Variants in TRIM2 observed in about 807,000 individuals in gnomAD.
The protein encoded by TRIM2 is tripartite motif-containing protein 2.
A neutral mutation model predicts 75.2 loss-of-function variants in TRIM2; 20 were observed. The observed-to-expected ratio is 0.27, with a 90% confidence interval of 0.19 to 0.39. TRIM2 has a LOEUF of 0.39. TRIM2 is among the 10% of genes least tolerant of loss of function. TRIM2 has a pLI of 1.00. For missense variants in TRIM2, 660 were observed against 990.8 expected (o/e 0.67, Z 4.48); for synonymous variants, 373 against 388.3 (o/e 0.96, Z 0.46).
chr4:153,332,202 G>A (rs1771623003), intron 11 of TRIM2, among the ~76,000 whole-genome samples: 2 of 152,266 alleles, frequency 1.3e-5, no homozygotes, highest in Middle Eastern at 3.4e-3. Flanking sequence ...TTTGCTCTGT[G>A]AAAGATCTCT....
At chr4:153,155,574 G>A (rs1364098448) in intron 1 of TRIM2, among the ~76,000 whole-genome samples, 1 of 152,168 alleles carries the variant, frequency 6.6e-6, no homozygotes, top group Non-Finnish European at 1.5e-5. Context: ...GAGAAAACCA[G>A]ATTTTGATTG....
intron 1 of TRIM2, among the ~76,000 whole-genome samples, chr4:153,253,838 A>G (rs767581604): frequency 2.0e-4 from 31 of 152,356 alleles, no homozygotes; most frequent in Non-Finnish European, 4.0e-4. Flanking sequence ...AGGCATGAAT[A>G]ATCCACCCCT....
intron 11 of TRIM2, among the ~76,000 whole-genome samples, chr4:153,331,011 T>C (rs986800544): frequency 3.9e-5 from 6 of 152,168 alleles, no homozygotes; most frequent in African/African-American, 1.4e-4. Flanking sequence ...GATTGCAGAA[T>C]ATAAGATCAA....
chr4:153,308,504 G>A (rs1387112562), intron 6 of TRIM2: 1 of 760,298 alleles, frequency 1.3e-6, no homozygotes, highest in African/African-American at 1.7e-5. Flanking sequence ...GCTGACTTAA[G>A]TGCTGATACA....
chr4:153,210,278 C>T (rs546872738), intron 1 of TRIM2, among the ~76,000 whole-genome samples: 11 of 151,994 alleles, frequency 7.2e-5, no homozygotes, highest in African/African-American at 1.7e-4. Flanking sequence ...TTGGCCAGGC[C>T]GGTCTCAAAC....
chr4:153,316,117 A>G, intron 8 of TRIM2, 118 bp downstream of exon 8: 1 of 953,092 alleles, frequency 1.0e-6, no homozygotes, highest in South Asian at 1.9e-5. Context: ...CTTCATACAC[A>G]AAGATATCTG....
In TRIM2 at chr4:153,276,148, C is replaced by T; in HGVS notation, c.453+18C>T. On this transcript the variant is annotated intron_variant, in intron 3 of 11. Coordinates refer to ENST00000338700, the MANE Select transcript of TRIM2 (RefSeq NM_015271.5). Reference sequence around the variant, plus strand: ...ATGGGAATGTAAGTGGCTGGGATGGCAGATACTGCCCGGGAGCATGACTAC... The same window carrying T: ...ATGGGAATGTAAGTGGCTGGGATGGTAGATACTGCCCGGGAGCATGACTAC... 6.2e-7 allele frequency: 1 copy of T among 1,603,896 alleles called. No individual in the cohort carries two copies. The highest frequency in any genetic ancestry group is 8.5e-7 in the Non-Finnish European group (1 of 1,170,764).
chr4:153,245,614 AAATAT>A (rs1303107263), intron 1 of TRIM2, among the ~76,000 whole-genome samples: 1 of 152,272 alleles, frequency 6.6e-6, no homozygotes, highest in African/African-American at 2.4e-5. Flanking sequence ...CAGTGTTTAT[AAATAT>A]AATTTTATTG....
intron 6 of TRIM2, among the ~76,000 whole-genome samples, chr4:153,302,672 G>A (rs1239703994): frequency 6.6e-6 from 1 of 152,176 alleles, no homozygotes; most frequent in East Asian, 1.9e-4. Context: ...AAGTAATGAG[G>A]TTGGACAAAT....
intron 1 of TRIM2, among the ~76,000 whole-genome samples, chr4:153,266,087 G>A (rs1258723072): frequency 1.3e-5 from 2 of 152,180 alleles, no homozygotes; most frequent in African/African-American, 2.4e-5. Context: ...TACCTATACC[G>A]TTTAACTATG....
chr4:153,338,822 G>A lies in TRIM2; in HGVS notation c.*3856G>A. 4 of 985,780 alleles carry A rather than the reference G, an allele frequency of 4.1e-6. No individual in the cohort carries two copies. The highest frequency in any genetic ancestry group is 1.1e-4 in the East Asian group (1 of 8,812). 61.1% of individuals were successfully genotyped at this position (985,780 alleles called of 1,614,324 possible). A position where few individuals can be genotyped will look rare whatever the true frequency, so the allele number is the denominator to read the frequency against. The stretch of plus-strand genomic sequence containing the variant: ...TCCATTAACTTTTGAAAGCAACACA[G>A]CCTTAAACTCAATGCTTTTGCTTTA... On this transcript the variant is annotated 3_prime_UTR_variant, in exon 12 of 12. Coordinates refer to ENST00000338700, the MANE Select transcript of TRIM2 (RefSeq NM_015271.5).
intron 1 of TRIM2, among the ~76,000 whole-genome samples, chr4:153,239,145 G>C (rs930919997): frequency 6.6e-6 from 1 of 152,152 alleles, no homozygotes; most frequent in Non-Finnish European, 1.5e-5. Context: ...GAGGTCAGAT[G>C]ATCGAGACCA....
intron 1 of TRIM2, among the ~76,000 whole-genome samples, chr4:153,205,704 G>T (rs145871415): frequency 6.6e-6 from 1 of 152,276 alleles, no homozygotes; most frequent in African/African-American, 2.4e-5. Context: ...TGCTTTGAAA[G>T]TCTCCCCACC....
chr4:153,328,309 A>T (rs1345355211), intron 10 of TRIM2, among the ~76,000 whole-genome samples: 7 of 152,256 alleles, frequency 4.6e-5, no homozygotes, highest in Non-Finnish European at 1.0e-4. Context: ...ATAAGCCAAA[A>T]AAAGTGATGA....
At chr4:153,297,434 A>C (rs767795046) in intron 6 of TRIM2, among the ~76,000 whole-genome samples, 2 of 152,218 alleles carry the variant, frequency 1.3e-5, no homozygotes, top group Admixed American at 6.5e-5. Context: ...CATGAAATGA[A>C]AATGCAAAAA....
chr4:153,302,136 C>T (rs139210667), intron 6 of TRIM2, among the ~76,000 whole-genome samples: 98 of 152,142 alleles, frequency 6.4e-4, no homozygotes, highest in African/African-American at 2.2e-3. Flanking sequence ...ATGTTGTCTT[C>T]GGTTTTTTTC....
chr4:153,196,274 CACA>C (rs1032298395), intron 1 of TRIM2, among the ~76,000 whole-genome samples: 41 of 133,852 alleles, frequency 3.1e-4, no homozygotes, highest in African/African-American at 1.0e-3. Context: ...CCCCCCCCCA[CACA>C]CACACACACA....
rs192748119 is a variant in TRIM2 at position 153,308,548 on chromosome 4, G to A, written c.1511-6937G>A. The A allele has an allele frequency of 1.4e-5, 10 of 711,780 alleles. No individual in the cohort carries two copies. In the East Asian group the frequency reaches 2.9e-4, roughly 21 times the overall value. The allele number at this position is 711,780 out of a possible 1,614,324, so 44.1% of individuals were successfully genotyped here. The stretch of plus-strand genomic sequence containing the variant: ...TTTGGTCCTTCTCTGGTAGGTGAAG[G>A]CAATATCCTGTCTCTGTGCATTGCT... On this transcript the variant is annotated intron_variant, in intron 6 of 11. Coordinates refer to ENST00000338700, the MANE Select transcript of TRIM2 (RefSeq NM_015271.5).
At chr4:153,288,218 C>T (rs1439808671) in intron 3 of TRIM2, among the ~76,000 whole-genome samples, 1 of 152,098 alleles carries the variant, frequency 6.6e-6, no homozygotes, top group Non-Finnish European at 1.5e-5. Context: ...AGGCGGATCA[C>T]CTGAGGTCAG....
Sources: gnomAD v4.1 joint callset for allele counts (sites outside exome capture counted in the v4.1 genomes callset) on GRCh38, gnomAD v4.1.1 for gene constraint, MANE v1.5 for transcripts, NCBI Gene and HGNC (gene_info 2026-07-23, HGNC 2026-07-21) for gene names.